RAB3GAP2: variants seen among roughly 807,000 people sequenced by gnomAD.
RAB3GAP2 encodes the protein RAB3 GTPase activating non-catalytic protein subunit 2.
RAB3GAP2 carries 87 observed loss-of-function variants against 185.3 expected under a neutral mutation model. The ratio of observed to expected loss-of-function variants is 0.47; its 90% confidence interval spans 0.39 to 0.56. The LOEUF (loss-of-function observed/expected upper bound fraction) is 0.56, where lower values mean the gene tolerates loss of function less well. Ranked by LOEUF, RAB3GAP2 falls within the 20% of genes least tolerant of loss-of-function variation. The pLI, the probability that RAB3GAP2 is intolerant of heterozygous loss-of-function variation, is 0.00. For missense variants in RAB3GAP2, 1,492 were observed against 1,638.2 expected, an observed-to-expected ratio of 0.91 and a Z score of 1.54; for synonymous variants, 554 against 576.1, an observed-to-expected ratio of 0.96 and a Z score of 0.55.
rs1571877263 is a variant in RAB3GAP2, at chr1:220,164,256, T to A, written c.3154+477A>T. Among the ~76,000 whole-genome samples, 3 of 152,098 alleles carry A rather than the reference T, an allele frequency of 2.0e-5. No homozygotes were observed. The East Asian group carries it at 5.9e-4, about 30-fold the overall frequency. On this transcript the variant is annotated intron_variant, in intron 27 of 34. Transcript: ENST00000358951. ...TTTCCTTCACTATCTGTGAAGGGTG[T>A]AATGAAGGCAGCTGTTCTGCATCTA...
At chr1:220,255,645 C>T (rs2102527329) in intron 1 of RAB3GAP2, among the ~76,000 whole-genome samples, 1 of 152,278 alleles carries the variant, frequency 6.6e-6, no homozygotes, top group South Asian at 2.1e-4. Flanking sequence ...TCACAAGTAT[C>T]AATAGCAGAA....
At position 220,158,444 on chromosome 1, in the gene RAB3GAP2, CTT is replaced by C. The variant is rs869239032; in HGVS notation, c.3262-570_3262-569del. On this transcript the variant is annotated intron_variant, in intron 29 of 34. Coordinates refer to ENST00000358951, the MANE Select transcript of RAB3GAP2 (RefSeq NM_012414.4). This position sits in a 1 kb window ranked among gnomAD's most constrained non-coding sequence, Gnocchi z 4.3. The stretch of plus-strand genomic sequence containing the variant: ...AGGGACCACTGCATTTGTGTATAAT[CTT>C]TTTTTTTTTTTGAGACAGAGTTTCA... 3.4e-5 allele frequency among the ~76,000 whole-genome samples: 5 copies of C among 145,092 alleles called. No individual in the cohort carries two copies. The highest frequency in any genetic ancestry group is 2.2e-4 in the South Asian group (1 of 4,554).
Position 220,272,385 on chromosome 1 carries a change from T to G in RAB3GAP2, c.-48A>C, listed in dbSNP as rs767297724. Reference sequence around the variant, plus strand: ...GCACTCACCTTACCTCACCACGCCCTGCCCCCTCCACCCCACTGCGGCCGC... The same window carrying G: ...GCACTCACCTTACCTCACCACGCCCGGCCCCCTCCACCCCACTGCGGCCGC... On this transcript the variant is annotated 5_prime_UTR_variant, in exon 1 of 35. Transcript: ENST00000358951. 6 of 1,380,290 alleles carry G rather than the reference T, an allele frequency of 4.3e-6. No homozygotes were observed. The highest frequency in any genetic ancestry group is 1.9e-5 in the Admixed American group (1 of 52,022). The allele number at this position is 1,380,290 out of a possible 1,614,324, so 85.5% of individuals were successfully genotyped here.
chr1:220,266,848 G>A, intron 1 of RAB3GAP2: 1 of 1,597,112 alleles, frequency 6.3e-7, no homozygotes, highest in Middle Eastern at 1.9e-4. Context: ...TGAGGTCCCT[G>A]GCTCCCTCTG....
rs147926897 is a variant in RAB3GAP2 at position 220,251,233 on chromosome 1, C to T, written c.116-18370G>A. Among the ~76,000 whole-genome samples, 29 of 152,232 alleles carry T rather than the reference C, an allele frequency of 1.9e-4. No homozygotes were observed. In the East Asian group the frequency reaches 2.3e-3, roughly 12 times the overall value. On this transcript the variant is annotated intron_variant, in intron 1 of 34. Transcript: ENST00000358951. ...GTTTCCACCTTAGATTTCACACTTACACACATGCACACAAATGTGATATTT... is the reference window on the plus strand; with the variant it reads ...GTTTCCACCTTAGATTTCACACTTATACACATGCACACAAATGTGATATTT...
intron 1 of RAB3GAP2, among the ~76,000 whole-genome samples, chr1:220,254,745 G>A (rs1660004339): frequency 6.6e-6 from 1 of 151,426 alleles, no homozygotes; most frequent in Non-Finnish European, 1.5e-5. Flanking sequence ...GTTGCTGCCA[G>A]TGTTTTCAAT....
rs199650161 is a variant in RAB3GAP2, at chr1:220,158,765, TC to T, written c.3261+620del. Among the ~76,000 whole-genome samples, 121 of 119,476 alleles carry T rather than the reference TC, an allele frequency of 1.0e-3. No homozygotes were observed. The highest frequency in any genetic ancestry group is 5.3e-3 in the African/African-American group (119 of 22,532). 78.4% of individuals were successfully genotyped at this position (119,476 alleles called of 152,430 possible). A position where few individuals can be genotyped will look rare whatever the true frequency, so the allele number is the denominator to read the frequency against. ...CATATAATCTTTTTAAAACCAACAA[TC>T]TTATAATTTCCTCACATCCCCAAAG... On this transcript the variant is annotated intron_variant, in intron 29 of 34. Transcript: ENST00000358951. This position sits in a 1 kb window ranked among gnomAD's most constrained non-coding sequence, Gnocchi z 4.3.
intron 2 of RAB3GAP2, among the ~76,000 whole-genome samples, chr1:220,223,413 GA>G (rs965930652): frequency 2.0e-5 from 3 of 151,390 alleles, no homozygotes; most frequent in African/African-American, 7.3e-5. Context: ...TTGGAGTTTA[GA>G]AAAAAAATAA....
At chr1:220,183,919 T>C (rs1658459412) in intron 19 of RAB3GAP2, 117 bp downstream of exon 19, 3 of 863,958 alleles carry the variant, frequency 3.5e-6, no homozygotes, top group South Asian at 3.9e-5. Context: ...GTAAGGAAAA[T>C]ATACCTTTAA....
intron 9 of RAB3GAP2, among the ~76,000 whole-genome samples, chr1:220,197,211 C>T (rs1447647057): frequency 6.6e-6 from 1 of 152,158 alleles, no homozygotes; most frequent in Non-Finnish European, 1.5e-5. Flanking sequence ...TGGTCTCAAA[C>T]TCCTGACCTC....
chr1:220,238,423 G>T (rs557539167), intron 1 of RAB3GAP2, among the ~76,000 whole-genome samples: 1 of 152,226 alleles, frequency 6.6e-6, no homozygotes. Context: ...TGGATTGGTT[G>T]CCCAGTTTTA....
chr1:220,246,978 T>C (rs543033981), intron 1 of RAB3GAP2, among the ~76,000 whole-genome samples: 2 of 152,016 alleles, frequency 1.3e-5, no homozygotes, highest in Admixed American at 6.5e-5. Flanking sequence ...AAAGAAGATA[T>C]ACAAACAGCC....
chr1:220,210,704 A>C lies in RAB3GAP2; in HGVS notation c.510+97T>G. On this transcript the variant is annotated intron_variant, in intron 6 of 34. Transcript: ENST00000358951. ...CATAAAGAATCAACTACACATTTTCAGGCAGCAGGTAATAAAGTCACAAAC... is the reference window on the plus strand; with the variant it reads ...CATAAAGAATCAACTACACATTTTCCGGCAGCAGGTAATAAAGTCACAAAC... 3 of 1,292,378 alleles carry C rather than the reference A, an allele frequency of 2.3e-6. No individual in the cohort carries two copies. In the South Asian group the frequency reaches 3.8e-5, roughly 16 times the overall value. 80.1% of individuals were successfully genotyped at this position (1,292,378 alleles called of 1,614,324 possible).
At chr1:220,197,366 C>G (rs1000872671) in intron 9 of RAB3GAP2, among the ~76,000 whole-genome samples, 1 of 152,126 alleles carries the variant, frequency 6.6e-6, no homozygotes, top group Admixed American at 6.5e-5. Flanking sequence ...TGCCTGAAAA[C>G]TGTCAAAAAA....
At position 220,184,055 on chromosome 1, in the gene RAB3GAP2, T is replaced by C. The variant is rs1658462748; in HGVS notation, c.1979A>G (p.Asp660Gly). The change falls in exon 19 of 35, where the codon GAC (aspartate) becomes GGC (glycine). Residue 660 changes from aspartate to glycine, a missense_variant. By Grantham distance (94) the Asp-to-Gly change is moderately conservative. Transcript: ENST00000358951. ...SQLNSLDFHL[D>G]TPFSDNDLAL... is the part of the protein sequence containing the mutation. ...ACTCACATTATCAGAGAATGGTGTG[T>C]CTAAATGAAAATCAAGGGAATTTAA... 10 of 1,582,922 alleles carry C rather than the reference T, an allele frequency of 6.3e-6. No homozygotes were observed. The East Asian group carries it at 2.0e-4, about 32-fold the overall frequency.
intron 2 of RAB3GAP2, among the ~76,000 whole-genome samples, chr1:220,223,400 C>T (rs1659343744): frequency 6.6e-6 from 1 of 151,912 alleles, no homozygotes; most frequent in African/African-American, 2.4e-5. Context: ...CCTTAAACTG[C>T]TATTGGAGTT....
chr1:220,214,650 G>A (rs1356298695), intron 2 of RAB3GAP2, among the ~76,000 whole-genome samples: 1 of 151,902 alleles, frequency 6.6e-6, no homozygotes, highest in Non-Finnish European at 1.5e-5. Context: ...TGTTTATTAT[G>A]GTTATAGGAT....
Position 220,184,165 on chromosome 1 carries a change from TA to T in RAB3GAP2, c.1871-3del. The T allele has an allele frequency of 6.2e-7, 1 of 1,609,198 alleles. No individual in the cohort carries two copies. The highest frequency in any genetic ancestry group is 8.5e-7 in the Non-Finnish European group (1 of 1,176,080). Reference sequence around the variant, plus strand: ...ATCCTTCATCAACAGACTCAAGTTCTAAAAGGCAGAAGGAAAAGTATATATA... The same window carrying T: ...ATCCTTCATCAACAGACTCAAGTTCTAAAGGCAGAAGGAAAAGTATATATA... On this transcript the variant is annotated splice_region_variant and splice_polypyrimidine_tract_variant and intron_variant, in intron 18 of 34. Coordinates refer to ENST00000358951, the MANE Select transcript of RAB3GAP2 (RefSeq NM_012414.4).
At chr1:220,193,699 G>C (rs976014311) in intron 12 of RAB3GAP2, among the ~76,000 whole-genome samples, 1 of 152,100 alleles carries the variant, frequency 6.6e-6, no homozygotes, top group African/African-American at 2.4e-5. Flanking sequence ...CTAAATTTTA[G>C]AATATGCTCC....
Sources: allele counts gnomAD v4.1 joint callset (sites outside exome capture counted in the v4.1 genomes callset), GRCh38; gene constraint gnomAD v4.1.1; non-coding constraint Gnocchi (gnomAD v3.1); transcripts MANE v1.5; gene names NCBI Gene and HGNC (gene_info 2026-07-23, HGNC 2026-07-21).